The following CLSTN2 variants were observed in gnomAD, a reference collection of about 807,000 sequenced individuals.
CLSTN2 encodes the protein calsyntenin 2.
A neutral mutation model predicts 101.2 loss-of-function variants in CLSTN2; 48 were observed. That is an observed-to-expected ratio of 0.47 (90% CI 0.38 to 0.60). The LOEUF (loss-of-function observed/expected upper bound fraction) is 0.60, where lower values mean the gene tolerates loss of function less well. CLSTN2 is among the 20% of genes least tolerant of loss of function. The pLI is 0.00. For missense variants in CLSTN2, 1,160 were observed against 1,238.2 expected, an observed-to-expected ratio of 0.94 and a Z score of 0.95; for synonymous variants, 481 against 463.6, an observed-to-expected ratio of 1.04 and a Z score of -0.48.
intron 4 of CLSTN2, among the ~76,000 whole-genome samples, chr3:140,420,593 C>T (rs753834876): frequency 6.6e-6 from 1 of 152,158 alleles, no homozygotes; most frequent in African/African-American, 2.4e-5. Context: ...TATTCTATGT[C>T]GCTTTCAGAA....
At chr3:140,400,466 C>T (rs1265397425) in intron 2 of CLSTN2, among the ~76,000 whole-genome samples, 1 of 151,984 alleles carries the variant, frequency 6.6e-6, no homozygotes, top group African/African-American at 2.4e-5. Flanking sequence ...TTTGGGAGGC[C>T]GACAGGAGAA....
At chr3:140,062,029 GTTAGTA>G (rs2008215354) in intron 1 of CLSTN2, among the ~76,000 whole-genome samples, 1 of 152,152 alleles carries the variant, frequency 6.6e-6, no homozygotes, top group Non-Finnish European at 1.5e-5. Context: ...TATTATTATA[GTTAGTA>G]TTAATATTAA....
chr3:140,311,807 A>G (rs1052725456), intron 2 of CLSTN2, among the ~76,000 whole-genome samples: 1 of 152,132 alleles, frequency 6.6e-6, no homozygotes, highest in African/African-American at 2.4e-5. Flanking sequence ...ATTTCTACAC[A>G]GGCACTCAAC....
intron 5 of CLSTN2, among the ~76,000 whole-genome samples, chr3:140,442,417 A>C (rs1932947824): frequency 1.3e-5 from 2 of 152,166 alleles, no homozygotes; most frequent in Admixed American, 6.5e-5. Context: ...GCCACAGTAA[A>C]GCCTTGTGCC....
intron 12 of CLSTN2, among the ~76,000 whole-genome samples, chr3:140,561,169 T>C (rs1328950973): frequency 6.6e-6 from 1 of 151,970 alleles, no homozygotes; most frequent in East Asian, 1.9e-4. Flanking sequence ...ATATACTTAT[T>C]TAAATTATCT....
At chr3:140,448,285 C>T (rs1456362168) in intron 5 of CLSTN2, among the ~76,000 whole-genome samples, 2 of 151,320 alleles carry the variant, frequency 1.3e-5, no homozygotes, top group African/African-American at 4.9e-5. Flanking sequence ...TTTGTGTATT[C>T]CTATGTGGCT....
At chr3:140,478,783 AG>A (rs528054559) in intron 8 of CLSTN2, among the ~76,000 whole-genome samples, 1 of 108,798 alleles carries the variant, frequency 9.2e-6, no homozygotes, top group African/African-American at 4.3e-5. Context: ...AGAGGGAGGA[AG>A]GGAAGGGAAG....
intron 1 of CLSTN2, among the ~76,000 whole-genome samples, chr3:140,084,748 G>A (rs1056433663): frequency 1.7e-4 from 1 of 5,850 alleles, no homozygotes; most frequent in African/African-American, 2.0e-3. Context: ...GAAGCCTAAA[G>A]GCATTCCAGC....
intron 1 of CLSTN2, among the ~76,000 whole-genome samples, chr3:140,068,990 T>C (rs1392889010): frequency 6.6e-6 from 1 of 152,176 alleles, no homozygotes; most frequent in African/African-American, 2.4e-5. Flanking sequence ...TGGGGAGGAA[T>C]TTTTTCCTGC....
chr3:140,556,474 T>C (rs904276343), intron 10 of CLSTN2, 39 bp from the exon 11 acceptor site: 2 of 1,610,520 alleles, frequency 1.2e-6, no homozygotes, highest in Non-Finnish European at 1.7e-6. Context: ...TGTACATCAC[T>C]GACCATTCTC....
intron 1 of CLSTN2, among the ~76,000 whole-genome samples, chr3:140,169,779 G>T (rs941872456): frequency 6.6e-6 from 1 of 152,044 alleles, no homozygotes; most frequent in African/African-American, 2.4e-5. Flanking sequence ...GGATGAAGCT[G>T]GGTAGAACAT....
At chr3:140,036,138 G>T (rs1410837904) in intron 1 of CLSTN2, among the ~76,000 whole-genome samples, 2 of 152,162 alleles carry the variant, frequency 1.3e-5, no homozygotes, top group African/African-American at 2.4e-5. Flanking sequence ...GCATTCATTT[G>T]CTTGCCCTTG....
Position 140,567,343 on chromosome 3 carries a change from C to G in CLSTN2, c.*1090C>G, listed in dbSNP as rs530749573. On this transcript the variant is annotated 3_prime_UTR_variant, in exon 17 of 17. Transcript: ENST00000458420. ...GCTTTCTGCATGTATTAGAAACGCA[C>G]GAGCTCCACCAAGTCTACAATGAAA... 1.3e-5 allele frequency: 2 copies of G among 152,126 alleles called. No individual in the cohort carries two copies. The highest frequency in any genetic ancestry group is 2.4e-5 in the African/African-American group (1 of 41,426). The allele number at this position is 152,126 out of a possible 1,614,324, so 9.4% of individuals were successfully genotyped here. A position where few individuals can be genotyped will look rare whatever the true frequency, so the allele number is the denominator to read the frequency against.
chr3:140,030,711 A>G (rs1226024171), intron 1 of CLSTN2, among the ~76,000 whole-genome samples: 1 of 152,184 alleles, frequency 6.6e-6, no homozygotes, highest in Non-Finnish European at 1.5e-5. Context: ...AGATAGTTCT[A>G]ATACTTCGTA....
chr3:140,214,094 C>G (rs1293299975), intron 2 of CLSTN2, among the ~76,000 whole-genome samples: 1 of 151,992 alleles, frequency 6.6e-6, no homozygotes, highest in Admixed American at 6.6e-5. Flanking sequence ...CAAGTCAACT[C>G]TACTAGATTT....
At chr3:140,098,125 CA>C (rs2008902800) in intron 1 of CLSTN2, among the ~76,000 whole-genome samples, 1 of 151,886 alleles carries the variant, frequency 6.6e-6, no homozygotes, top group East Asian at 1.9e-4. Flanking sequence ...CAAAACAAAA[CA>C]AAAAAACTTT....
chr3:139,967,214 AATAAGGACTACTTTGAAAGG>A (rs1935615609), intron 1 of CLSTN2, among the ~76,000 whole-genome samples: 1 of 152,070 alleles, frequency 6.6e-6, no homozygotes. Flanking sequence ...GGGTCAGGAG[AATAAGGACTACTTTGAAAGG>A]AGGTCTGTAC....
intron 2 of CLSTN2, among the ~76,000 whole-genome samples, chr3:140,277,565 C>T (rs897519599): frequency 6.6e-6 from 1 of 152,200 alleles, no homozygotes; most frequent in African/African-American, 2.4e-5. Flanking sequence ...CTATTCAATT[C>T]TGTTGTAATT....
At chr3:140,149,490 T>C (rs1207855879) in intron 1 of CLSTN2, among the ~76,000 whole-genome samples, 1 of 151,852 alleles carries the variant, frequency 6.6e-6, no homozygotes, top group Non-Finnish European at 1.5e-5. Flanking sequence ...GGAGTCTCAC[T>C]CTGTCACCAG....
Sources: gnomAD v4.1 joint callset for allele counts (sites outside exome capture counted in the v4.1 genomes callset) on GRCh38, gnomAD v4.1.1 for gene constraint, MANE v1.5 for transcripts, NCBI Gene and HGNC (gene_info 2026-07-23, HGNC 2026-07-21) for gene names.